UBE3A: variants seen among roughly 807,000 people sequenced by gnomAD.
The protein encoded by UBE3A is ubiquitin-protein ligase E3A.
Under a neutral mutation model 83.4 loss-of-function variants are expected in UBE3A, and 6 were observed. The ratio of observed to expected loss-of-function variants is 0.07; its 90% CI spans 0.04 to 0.14. The LOEUF (loss-of-function observed/expected upper bound fraction) is 0.14, where lower values mean the gene tolerates loss of function less well. Among genes scored for constraint, UBE3A ranks in the 10% least tolerant of loss-of-function variants. The probability of loss-of-function intolerance (pLI) is 1.00; values close to 1 mark genes in which losing one functional copy is unlikely to be tolerated. For missense variants in UBE3A, 456 were observed against 1,036.1 expected (o/e 0.44, Z 7.69); for synonymous variants, 337 against 355.4 (o/e 0.95, Z 0.58).
intron 4 of UBE3A, among the ~76,000 whole-genome samples, chr15:25,404,386 C>T (rs2087929773): frequency 6.6e-6 from 1 of 152,032 alleles, no homozygotes; most frequent in Admixed American, 6.6e-5. Flanking sequence ...TTTTATATTA[C>T]CTGTATGAGA....
At chr15:25,356,173 G>A in intron 8 of UBE3A, 117 bp from the exon 9 acceptor site, 1 of 1,291,246 alleles carries the variant, frequency 7.7e-7, no homozygotes, top group South Asian at 1.2e-5. Context: ...TGTAAAAAGT[G>A]TAGACAGTAT....
intron 4 of UBE3A, among the ~76,000 whole-genome samples, chr15:25,378,539 T>C (rs1056589469): frequency 6.6e-6 from 1 of 152,106 alleles, no homozygotes; most frequent in South Asian, 2.1e-4. Flanking sequence ...TACCATGACA[T>C]TGAGGATTAT....
intron 1 of UBE3A, among the ~76,000 whole-genome samples, chr15:25,430,997 T>TA (rs1893289198): frequency 6.6e-6 from 1 of 152,210 alleles, no homozygotes; most frequent in Non-Finnish European, 1.5e-5. Flanking sequence ...GCAATAAATT[T>TA]AAAGAAATAT....
At chr15:25,339,454 C>T (rs867801351) in intron 12 of UBE3A, 197 bp from the exon 13 acceptor site, 6 of 557,350 alleles carry the variant, frequency 1.1e-5, no homozygotes, top group East Asian at 3.5e-5. Flanking sequence ...AAGCTAGTGA[C>T]GATGATAAGA....
chr15:25,390,623 T>C (rs1415092055), intron 4 of UBE3A, among the ~76,000 whole-genome samples: 1 of 150,122 alleles, frequency 6.7e-6, no homozygotes, highest in Non-Finnish European at 1.5e-5. Context: ...TGCCAAGGAG[T>C]GGGAGGGAAG....
At chr15:25,356,957 A>T (rs2077297444) in intron 7 of UBE3A, 61 bp from the exon 8 acceptor site, 2 of 1,350,840 alleles carry the variant, frequency 1.5e-6, no homozygotes, top group East Asian at 4.9e-5. Context: ...CTGATGAATA[A>T]TACAAATATA....
intron 6 of UBE3A, among the ~76,000 whole-genome samples, chr15:25,363,857 C>T (rs560578953): frequency 7.0e-4 from 107 of 151,820 alleles, no homozygotes; most frequent in African/African-American, 2.3e-3. Flanking sequence ...TTTAGATTAC[C>T]ATTCTGGTAC....
chr15:25,348,896 C>G (rs909311287), intron 11 of UBE3A, among the ~76,000 whole-genome samples: 12 of 152,156 alleles, frequency 7.9e-5, no homozygotes, highest in Non-Finnish European at 1.8e-4. Context: ...TTGACCTGCC[C>G]CAGTCAAGGC....
At chr15:25,401,774 A>C (rs1164114030) in intron 4 of UBE3A, among the ~76,000 whole-genome samples, 1 of 151,778 alleles carries the variant, frequency 6.6e-6, no homozygotes, top group Non-Finnish European at 1.5e-5. Flanking sequence ...TTTTTTCCTT[A>C]GTCTAGCCAA....
intron 11 of UBE3A, among the ~76,000 whole-genome samples, chr15:25,349,863 G>A (rs1490914098): frequency 2.0e-5 from 3 of 152,148 alleles, no homozygotes; most frequent in African/African-American, 7.2e-5. Flanking sequence ...ACTAAAAGTG[G>A]TGGGTAGTCT....
chr15:25,429,665 T>C (rs958855248), intron 1 of UBE3A, among the ~76,000 whole-genome samples: 2 of 152,036 alleles, frequency 1.3e-5, no homozygotes, highest in South Asian at 2.1e-4. Flanking sequence ...CTGGGTAATA[T>C]AGTGAAACTT....
chr15:25,431,264 G>C (rs578187139), intron 1 of UBE3A, among the ~76,000 whole-genome samples: 45 of 152,336 alleles, frequency 3.0e-4, no homozygotes, highest in African/African-American at 1.0e-3. Context: ...AAGGGAATGA[G>C]AATGAAGCAG....
In UBE3A at chr15:25,338,336, A is replaced by ATAT. The variant is rs1172785576; in HGVS notation, c.*800_*801insATA. On this transcript the variant is annotated 3_prime_UTR_variant, in exon 13 of 13. Coordinates refer to ENST00000648336, the MANE Select transcript of UBE3A (RefSeq NM_130839.5). Reference sequence around the variant, plus strand: ...TTAAAACAACAACGAGAACAACAAGAACAAAAATCCCTGTCCTTTCATATA... The same window carrying ATAT: ...TTAAAACAACAACGAGAACAACAAGATATACAAAAATCCCTGTCCTTTCATATA... 1 of 149,788 alleles carries ATAT rather than the reference A, an allele frequency of 6.7e-6. No homozygotes were observed. The highest frequency in any genetic ancestry group is 7.0e-5 in the Admixed American group (1 of 14,232). The allele number at this position is 149,788 out of a possible 1,614,324, so 9.3% of individuals were successfully genotyped here.
intron 4 of UBE3A, among the ~76,000 whole-genome samples, chr15:25,396,947 C>T (rs2085719644): frequency 6.6e-6 from 1 of 152,166 alleles, no homozygotes; most frequent in African/African-American, 2.4e-5. Flanking sequence ...ACAACAAAAT[C>T]ATGCTTCAAC....
intron 2 of UBE3A, among the ~76,000 whole-genome samples, chr15:25,411,597 A>G (rs1002550330): frequency 1.8e-4 from 27 of 152,192 alleles, no homozygotes; most frequent in Admixed American, 6.5e-4. Context: ...CTCAAAAACA[A>G]CAGCAGCAGC....
At chr15:25,426,601 C>G (rs547727665) in intron 1 of UBE3A, among the ~76,000 whole-genome samples, 1 of 152,276 alleles carries the variant, frequency 6.6e-6, no homozygotes, top group South Asian at 2.1e-4. Context: ...AGCACTTAAA[C>G]GCATAAAACA....
chr15:25,399,597 C>A (rs1279896988), intron 4 of UBE3A, among the ~76,000 whole-genome samples: 2 of 152,126 alleles, frequency 1.3e-5, no homozygotes, highest in African/African-American at 4.8e-5. Context: ...AAGACAGGGT[C>A]TCACGCTGTC....
intron 1 of UBE3A, chr15:25,418,188 T>C (rs556715894): frequency 1.4e-4 from 22 of 152,272 alleles, no homozygotes; most frequent in African/African-American, 5.3e-4. Context: ...TAAATGACTA[T>C]TGTCAACTAT....
chr15:25,429,772 A>G (rs1892513513), intron 1 of UBE3A, among the ~76,000 whole-genome samples: 1 of 151,844 alleles, frequency 6.6e-6, no homozygotes, highest in South Asian at 2.1e-4. Flanking sequence ...TCAGAGGTTG[A>G]GGCAGGCAGA....
Sources: gnomAD v4.1 joint callset for allele counts (sites outside exome capture counted in the v4.1 genomes callset) on GRCh38, gnomAD v4.1.1 for gene constraint, MANE v1.5 for transcripts, NCBI Gene and HGNC (gene_info 2026-07-23, HGNC 2026-07-21) for gene names.